The following LRRC7 variants were observed in gnomAD, a reference collection of about 807,000 sequenced individuals.
The protein encoded by LRRC7 is leucine-rich repeat-containing protein 7.
In LRRC7, 23 loss-of-function variants were observed where a neutral mutation model predicts 175.7. The ratio of observed to expected loss-of-function variants is 0.13; its 90% CI spans 0.09 to 0.19. The LOEUF (loss-of-function observed/expected upper bound fraction) is 0.19, where lower values mean the gene tolerates loss of function less well. LRRC7 is among the 10% of genes least tolerant of loss of function. The pLI, the probability that LRRC7 is intolerant of heterozygous loss-of-function variation, is 1.00. For synonymous variants in LRRC7, 685 were observed against 680.9 expected, an observed-to-expected ratio of 1.01 and a Z score of -0.09; for missense variants, 1,354 against 1,904.7, an observed-to-expected ratio of 0.71 and a Z score of 5.38.
In LRRC7 at chr1:70,138,499, T is replaced by C. The variant is rs1201655237; in HGVS notation, c.*16612T>C. The C allele has an allele frequency of 6.6e-6, 1 of 152,180 alleles. No homozygotes were observed. The highest frequency in any genetic ancestry group is 1.5e-5 in the Non-Finnish European group (1 of 68,026). 9.4% of individuals were successfully genotyped at this position (152,180 alleles called of 1,614,324 possible). A position where few individuals can be genotyped will look rare whatever the true frequency, so the allele number is the denominator to read the frequency against. On this transcript the variant is annotated 3_prime_UTR_variant, in exon 27 of 27. Transcript: ENST00000651989. Reference sequence around the variant, plus strand: ...TATTGGTCCTTTTGTGACTGAGCTATATGATAAACTAAGGAAAACTACAGA... The same window carrying C: ...TATTGGTCCTTTTGTGACTGAGCTACATGATAAACTAAGGAAAACTACAGA...
chr1:69,982,971 G>A (rs888763288), intron 9 of LRRC7, among the ~76,000 whole-genome samples: 15 of 152,104 alleles, frequency 9.9e-5, no homozygotes, highest in Admixed American at 2.0e-4. Flanking sequence ...ACTAAATTAC[G>A]CTGAAGATAG....
In LRRC7 at chr1:70,038,476, C is replaced by A; in HGVS notation, c.2652C>A (p.Thr884=). 6.2e-7 allele frequency: 1 copy of A among 1,614,098 alleles called. No individual in the cohort carries two copies. Among genetic ancestry groups the A allele is most frequent in the Non-Finnish European group, 8.5e-7 (1 of 1,179,994 alleles). The change falls in exon 21 of 27, where the codon ACC becomes ACA. Residue 884 remains threonine (T), a synonymous_variant. Coordinates refer to ENST00000651989, the MANE Select transcript of LRRC7 (RefSeq NM_001370785.2). The part of the protein sequence containing the change: ...VPPSNPWQNW[T]RTPSPFEDRT... ...CTTCCAATCCTTGGCAGAATTGGAC[C>A]AGAACCCCTAGTCCGTTTGAAGACA...
chr1:69,839,060 A>G, intron 7 of LRRC7: 1 of 306,720 alleles, frequency 3.3e-6, no homozygotes, highest in Non-Finnish European at 6.6e-6. Flanking sequence ...AGTATTATAG[A>G]AAAATATTGA....
At chr1:70,090,273 G>A (rs1186737111) in intron 25 of LRRC7, among the ~76,000 whole-genome samples, 1 of 152,102 alleles carries the variant, frequency 6.6e-6, no homozygotes, top group African/African-American at 2.4e-5. Flanking sequence ...AATTCATCAA[G>A]CATGTAAAGA....
In LRRC7 at chr1:70,038,125, T is replaced by G. The variant is rs1046127901; in HGVS notation, c.2301T>G (p.Ser767=). 3 of 1,608,412 alleles carry G rather than the reference T, an allele frequency of 1.9e-6. No individual in the cohort carries two copies. Among genetic ancestry groups the G allele is most frequent in the Non-Finnish European group, 2.5e-6 (3 of 1,177,290 alleles). Residue 767 remains serine (S), a synonymous_variant, in exon 21 of 27, where the codon TCT becomes TCG. Coordinates refer to ENST00000651989, the MANE Select transcript of LRRC7 (RefSeq NM_001370785.2). The stretch of plus-strand genomic sequence containing the variant: ...ATTGTGTTCACAGGATTGCACCATC[T>G]TTCCCACAGCCTCTTGATTCAAAGC... ...NSLWGNRIAP[S]FPQPLDSKPL...
intron 8 of LRRC7, among the ~76,000 whole-genome samples, chr1:69,938,758 C>G (rs1337326371): frequency 1.3e-5 from 2 of 151,698 alleles, no homozygotes; most frequent in Admixed American, 1.3e-4. Context: ...CTGAGGCAAG[C>G]ACTATATTTA....
intron 7 of LRRC7, among the ~76,000 whole-genome samples, chr1:69,889,530 G>C (rs1193788165): frequency 1.3e-5 from 2 of 152,186 alleles, no homozygotes; most frequent in Non-Finnish European, 2.9e-5. Context: ...ACTTTCGCTA[G>C]GTGCAGTGAC....
At chr1:69,645,610 CTTTG>C (rs1399517012) in intron 1 of LRRC7, among the ~76,000 whole-genome samples, 4 of 152,024 alleles carry the variant, frequency 2.6e-5, no homozygotes, top group East Asian at 3.8e-4. Flanking sequence ...ATCACTCAGT[CTTTG>C]TTTGAACTGC....
chr1:69,682,651 G>A (rs939189017), intron 2 of LRRC7, among the ~76,000 whole-genome samples: 5 of 152,146 alleles, frequency 3.3e-5, no homozygotes, highest in South Asian at 2.1e-4. Flanking sequence ...ACCAGAAAGC[G>A]GGACTTACCA....
At chr1:69,751,617 T>G (rs979281831) in intron 2 of LRRC7, among the ~76,000 whole-genome samples, 9 of 152,118 alleles carry the variant, frequency 5.9e-5, no homozygotes, top group African/African-American at 2.2e-4. Flanking sequence ...GTTCTGCTTT[T>G]GACAAGTGGA....
intron 2 of LRRC7, among the ~76,000 whole-genome samples, chr1:69,700,512 C>T (rs909605524): frequency 2.6e-5 from 4 of 152,160 alleles, no homozygotes; most frequent in African/African-American, 9.7e-5. Flanking sequence ...CCCACATTAA[C>T]CTTCATGTCT....
chr1:69,910,004 G>T (rs1359951648), intron 7 of LRRC7, among the ~76,000 whole-genome samples: 2 of 151,912 alleles, frequency 1.3e-5, no homozygotes, highest in African/African-American at 4.8e-5. Flanking sequence ...TTCCCTTCTT[G>T]CTTCATTTCA....
In LRRC7 at chr1:69,647,879, T is replaced by C. The variant is rs1187533069; in HGVS notation, c.3-30502T>C. Among the ~76,000 whole-genome samples, 4 of 152,180 alleles carry C rather than the reference T, an allele frequency of 2.6e-5. No individual in the cohort carries two copies. The East Asian group carries it at 5.8e-4, about 22-fold the overall frequency. On this transcript the variant is annotated intron_variant, in intron 1 of 26. Transcript: ENST00000651989. ...CTTGCTATTTGCTTCTTTTCCAAAT[T>C]TACCTGAGATAGCTAGCTAGCTAGA...
intron 25 of LRRC7, among the ~76,000 whole-genome samples, chr1:70,105,473 T>G (rs779421327): frequency 6.6e-6 from 1 of 152,208 alleles, no homozygotes; most frequent in Non-Finnish European, 1.5e-5. Context: ...TTAGAAGATA[T>G]CCTTGCAGAT....
intron 1 of LRRC7, among the ~76,000 whole-genome samples, chr1:69,591,560 G>T (rs1397589420): frequency 2.0e-5 from 3 of 151,954 alleles, no homozygotes; most frequent in Non-Finnish European, 4.4e-5. Flanking sequence ...TTTACTCTAA[G>T]GGCATTTATA....
intron 7 of LRRC7, among the ~76,000 whole-genome samples, chr1:69,842,196 A>T (rs1037304794): frequency 6.6e-6 from 1 of 152,248 alleles, no homozygotes; most frequent in Non-Finnish European, 1.5e-5. Flanking sequence ...ACAATTTTTT[A>T]AATGAAATTT....
intron 7 of LRRC7, 91 bp downstream of exon 7, chr1:69,838,374 C>CTT: frequency 1.9e-6 from 2 of 1,056,094 alleles, no homozygotes; most frequent in Non-Finnish European, 2.9e-6. Context: ...TGTTTTGGCA[C>CTT]TTTGAGTTAA....
chr1:69,684,852 C>T (rs987266653), intron 2 of LRRC7, among the ~76,000 whole-genome samples: 2 of 152,150 alleles, frequency 1.3e-5, no homozygotes, highest in African/African-American at 4.8e-5. Flanking sequence ...TAATCCCAAT[C>T]GACAGGCAGT....
chr1:70,139,723 G>C lies in LRRC7; in HGVS notation c.*17836G>C, dbSNP rs948523699. On this transcript the variant is annotated 3_prime_UTR_variant, in exon 27 of 27. Transcript: ENST00000651989. ...GCCAAAGCTGAAGTCATAGGAATGA[G>C]ACATTAATTGTAGGTTTTCAGGAAA... 1.3e-5 allele frequency: 2 copies of C among 152,162 alleles called. No individual in the cohort carries two copies. The highest frequency in any genetic ancestry group is 4.8e-5 in the African/African-American group (2 of 41,426). 9.4% of individuals were successfully genotyped at this position (152,162 alleles called of 1,614,324 possible).
Sources: gnomAD v4.1 joint callset for allele counts (sites outside exome capture counted in the v4.1 genomes callset) on GRCh38, gnomAD v4.1.1 for gene constraint, MANE v1.5 for transcripts, NCBI Gene and HGNC (gene_info 2026-07-23, HGNC 2026-07-21) for gene names.